PTPRD: variants seen among roughly 807,000 people sequenced by gnomAD.
The protein encoded by PTPRD is receptor-type tyrosine-protein phosphatase delta.
In PTPRD, 34 loss-of-function variants were observed where a neutral mutation model predicts 214.5. The ratio of observed to expected loss-of-function variants is 0.16; its 90% CI spans 0.12 to 0.21. PTPRD has a LOEUF of 0.21. Ranked by LOEUF, PTPRD falls within the 10% of genes least tolerant of loss-of-function variation. The probability of loss-of-function intolerance (pLI) is 1.00; values close to 1 mark genes in which losing one functional copy is unlikely to be tolerated. For synonymous variants in PTPRD, 1,128 were observed against 845.7 expected, an observed-to-expected ratio of 1.33 and a Z score of -5.79; for missense variants, 2,545 against 2,398.7, an observed-to-expected ratio of 1.06 and a Z score of -1.27.
chr9:10,455,632 C>T (rs777212026), intron 2 of PTPRD, among the ~76,000 whole-genome samples: 8 of 151,778 alleles, frequency 5.3e-5, no homozygotes, highest in South Asian at 2.1e-4. Flanking sequence ...CTCTCCCATT[C>T]GTCACCATAT....
chr9:9,791,425 CTTTTCTAATGG>C (rs1349583373), intron 5 of PTPRD, among the ~76,000 whole-genome samples: 2 of 151,790 alleles, frequency 1.3e-5, no homozygotes, highest in Non-Finnish European at 2.9e-5. Context: ...ACCTTTAATT[CTTTTCTAATGG>C]CCTAGATGGA....
At chr9:9,902,317 C>T (rs554238833) in intron 5 of PTPRD, among the ~76,000 whole-genome samples, 1 of 152,262 alleles carries the variant, frequency 6.6e-6, no homozygotes, top group East Asian at 1.9e-4. Context: ...ATTTTTGCAA[C>T]ATCGTGTAAA....
chr9:9,349,769 T>G (rs532106885), intron 9 of PTPRD, among the ~76,000 whole-genome samples: 1 of 151,986 alleles, frequency 6.6e-6, no homozygotes, highest in East Asian at 1.9e-4. Context: ...TTTTTTTTTG[T>G]GCTATAAATA....
At chr9:9,541,950 A>G (rs1266050127) in intron 8 of PTPRD, among the ~76,000 whole-genome samples, 1 of 151,852 alleles carries the variant, frequency 6.6e-6, no homozygotes, top group Non-Finnish European at 1.5e-5. Flanking sequence ...AGAAGTTAGC[A>G]GAATAAGAGT....
At chr9:9,947,236 G>A (rs1023729086) in intron 4 of PTPRD, among the ~76,000 whole-genome samples, 1 of 132,448 alleles carries the variant, frequency 7.6e-6, no homozygotes, top group Admixed American at 9.3e-5. Context: ...GAATATAATG[G>A]TACATTTTAG....
intron 12 of PTPRD, among the ~76,000 whole-genome samples, chr9:8,721,573 T>C (rs192085374): frequency 6.6e-6 from 1 of 152,134 alleles, no homozygotes; most frequent in Non-Finnish European, 1.5e-5. Flanking sequence ...TAATATACCA[T>C]AAAATAGTTT....
At chr9:9,998,559 C>CA (rs71321213) in intron 4 of PTPRD, among the ~76,000 whole-genome samples, 38 of 149,330 alleles carry the variant, frequency 2.5e-4, no homozygotes, top group Admixed American at 4.0e-4. Flanking sequence ...CTCTACTAGT[C>CA]AAAAAAAAAA....
chr9:9,777,325 GCACA>G lies in PTPRD; in HGVS notation c.-367-10478_-367-10475del, dbSNP rs34617348. Among the ~76,000 whole-genome samples the G allele has an allele frequency of 9.4e-3, 1,346 of 143,146 alleles. 18 individuals carry two copies. Among genetic ancestry groups the G allele is most frequent in the African/African-American group, 0.026 (1,011 of 39,078 alleles). 93.9% of individuals were successfully genotyped at this position (143,146 alleles called of 152,430 possible). On this transcript the variant is annotated intron_variant, in intron 5 of 45. Transcript: ENST00000381196. The stretch of plus-strand genomic sequence containing the variant: ...CACAAATAAAAATATGCACATACAT[GCACA>G]CACACACACACACACACACACACAC...
chr9:8,451,505 T>C (rs956472365), intron 33 of PTPRD, among the ~76,000 whole-genome samples: 1 of 152,158 alleles, frequency 6.6e-6, no homozygotes, highest in African/African-American at 2.4e-5. Flanking sequence ...CATAAGACCA[T>C]GCGAAAGGAG....
intron 9 of PTPRD, among the ~76,000 whole-genome samples, chr9:9,286,606 A>G (rs1172750577): frequency 6.6e-6 from 1 of 151,514 alleles, no homozygotes; most frequent in African/African-American, 2.4e-5. Context: ...CACTCAAATA[A>G]AACATGCTCT....
intron 14 of PTPRD, among the ~76,000 whole-genome samples, chr9:8,614,376 G>T (rs1595300023): frequency 6.6e-6 from 1 of 152,218 alleles, no homozygotes; most frequent in Non-Finnish European, 1.5e-5. Flanking sequence ...TGAGTTCAGA[G>T]GTTTGATCAT....
At chr9:9,897,192 A>T (rs1025841009) in intron 5 of PTPRD, among the ~76,000 whole-genome samples, 52 of 151,866 alleles carry the variant, frequency 3.4e-4, no homozygotes, top group East Asian at 2.1e-3. Context: ...GGGTTGGTAA[A>T]GGTAATGCCT....
At chr9:10,054,700 C>G (rs1007677776) in intron 3 of PTPRD, among the ~76,000 whole-genome samples, 8 of 152,026 alleles carry the variant, frequency 5.3e-5, no homozygotes, top group African/African-American at 1.9e-4. Context: ...ACACAGGTGG[C>G]CTAATCACAC....
At chr9:9,740,500 G>T (rs956183570) in intron 6 of PTPRD, among the ~76,000 whole-genome samples, 6 of 145,818 alleles carry the variant, frequency 4.1e-5, no homozygotes, top group Admixed American at 3.4e-4. Flanking sequence ...TGGGACTATA[G>T]GCGCCCGCCA....
chr9:8,453,123 T>A (rs2096026888), intron 33 of PTPRD, among the ~76,000 whole-genome samples: 1 of 152,172 alleles, frequency 6.6e-6, no homozygotes, highest in Non-Finnish European at 1.5e-5. Flanking sequence ...TTCAACTCTC[T>A]CATTTTAATA....
intron 2 of PTPRD, among the ~76,000 whole-genome samples, chr9:10,439,652 A>T (rs752608647): frequency 7.2e-5 from 11 of 151,782 alleles, no homozygotes; most frequent in Non-Finnish European, 1.5e-4. Flanking sequence ...TTTAAAAAAG[A>T]ACAAAATAAC....
intron 12 of PTPRD, among the ~76,000 whole-genome samples, chr9:8,644,173 C>T (rs1252730794): frequency 2.0e-5 from 3 of 152,096 alleles, no homozygotes; most frequent in Admixed American, 6.5e-5. Flanking sequence ...GAGCTACCCT[C>T]TCTGATGAGA....
intron 9 of PTPRD, among the ~76,000 whole-genome samples, chr9:9,291,891 T>TAC (rs1951273395): frequency 1.4e-5 from 2 of 145,870 alleles, no homozygotes; most frequent in Non-Finnish European, 3.0e-5. Context: ...GTGTATGGTA[T>TAC]ATATATATAT....
chr9:9,843,115 G>C (rs2058721782), intron 5 of PTPRD, among the ~76,000 whole-genome samples: 1 of 151,238 alleles, frequency 6.6e-6, no homozygotes, highest in Non-Finnish European at 1.5e-5. Context: ...TAATGTCAGA[G>C]TTAAGTTGTT....
Sources: gnomAD v4.1 joint callset for allele counts (sites outside exome capture counted in the v4.1 genomes callset) on GRCh38, gnomAD v4.1.1 for gene constraint, MANE v1.5 for transcripts, NCBI Gene and HGNC (gene_info 2026-07-23, HGNC 2026-07-21) for gene names.